GRHL2: variants seen among roughly 807,000 people sequenced by gnomAD.
GRHL2 encodes grainyhead-like protein 2 homolog.
Under a neutral mutation model 83.8 loss-of-function variants are expected in GRHL2, and 21 were observed. The observed-to-expected ratio is 0.25, with a 90% CI of 0.18 to 0.36. The LOEUF (loss-of-function observed/expected upper bound fraction) is 0.36. Among genes scored for constraint, GRHL2 ranks in the 10% least tolerant of loss-of-function variants. The pLI, the probability that GRHL2 is intolerant of heterozygous loss-of-function variation, is 1.00. For missense variants in GRHL2, 623 were observed against 781.8 expected (o/e 0.80, Z 2.42); for synonymous variants, 280 against 278.9 (o/e 1.00, Z -0.04).
At chr8:101,650,804 A>ATATCTATTATC (rs1554596626) in intron 14 of GRHL2, among the ~76,000 whole-genome samples, 2 of 145,850 alleles carry the variant, frequency 1.4e-5, no homozygotes, top group South Asian at 4.2e-4. Context: ...GTGAATTGTG[A>ATATCTATTATC]TATCTATCTA....
At chr8:101,533,632 A>G (rs1247399807) in intron 1 of GRHL2, among the ~76,000 whole-genome samples, 1 of 152,202 alleles carries the variant, frequency 6.6e-6, no homozygotes. Flanking sequence ...AGAGCTGGGT[A>G]AGGGAGATAG....
At chr8:101,623,144 C>T (rs769135019) in intron 9 of GRHL2, among the ~76,000 whole-genome samples, 3 of 152,220 alleles carry the variant, frequency 2.0e-5, no homozygotes, top group East Asian at 1.9e-4. Flanking sequence ...AGAAAGAAAA[C>T]GCATTAACAA....
rs11382067 is a variant in GRHL2 at position 101,592,100 on chromosome 8, C to CTTTTTTT, written c.1004-6941_1004-6935dup. The stretch of plus-strand genomic sequence containing the variant: ...GTACAGCACTTTCTTTCTTTCTTTT[C>CTTTTTTT]TTTTTTTTTTTTTTTTTTTTTTGAG... On this transcript the variant is annotated intron_variant, in intron 7 of 15. Transcript: ENST00000646743. Among the ~76,000 whole-genome samples, 489 of 90,274 alleles carry CTTTTTTT rather than the reference C, an allele frequency of 5.4e-3. 12 individuals are homozygous for CTTTTTTT. The highest frequency in any genetic ancestry group is 5.9e-3 in the African/African-American group (129 of 21,904). 59.2% of individuals were successfully genotyped at this position (90,274 alleles called of 152,430 possible). A position where few individuals can be genotyped will look rare whatever the true frequency, so the allele number is the denominator to read the frequency against.
chr8:101,537,908 C>T (rs1406849594), intron 1 of GRHL2, among the ~76,000 whole-genome samples: 2 of 152,052 alleles, frequency 1.3e-5, no homozygotes, highest in Non-Finnish European at 1.5e-5. Flanking sequence ...TTGTTATTTT[C>T]TTTTTTAAAA....
intron 14 of GRHL2, among the ~76,000 whole-genome samples, chr8:101,652,547 G>GGT (rs1178392327): frequency 4.0e-5 from 2 of 50,340 alleles, no homozygotes; most frequent in Admixed American, 2.1e-4. Context: ...GTGTGTGTGT[G>GGT]GTGTGTATGT....
At chr8:101,628,695 A>G (rs895245559) in intron 9 of GRHL2, among the ~76,000 whole-genome samples, 5 of 152,114 alleles carry the variant, frequency 3.3e-5, no homozygotes, top group Admixed American at 1.3e-4. Flanking sequence ...GCCATTAAAA[A>G]CATTCATGAT....
At chr8:101,537,878 C>A (rs1420615373) in intron 1 of GRHL2, among the ~76,000 whole-genome samples, 1 of 152,202 alleles carries the variant, frequency 6.6e-6, no homozygotes, top group Admixed American at 6.5e-5. Flanking sequence ...GTGCATACTT[C>A]ACCATCCTAA....
intron 12 of GRHL2, 150 bp from the exon 13 acceptor site, chr8:101,643,981 G>C (rs970431412): frequency 1.1e-5 from 8 of 708,412 alleles, no homozygotes; most frequent in African/African-American, 1.1e-4. Context: ...CTTGGGACCT[G>C]CAAGGGGAAG....
intron 8 of GRHL2, among the ~76,000 whole-genome samples, chr8:101,604,237 T>C (rs561599000): frequency 1.2e-4 from 18 of 152,258 alleles, no homozygotes; most frequent in African/African-American, 4.1e-4. Context: ...GATTTGTTGG[T>C]CACTAATCCC....
intron 4 of GRHL2, among the ~76,000 whole-genome samples, chr8:101,560,340 T>G (rs2130184020): frequency 6.6e-6 from 1 of 152,316 alleles, no homozygotes; most frequent in South Asian, 2.1e-4. Context: ...GTTGCTTGTT[T>G]TAGTAGTTGT....
chr8:101,559,211 T>A (rs922654820), intron 4 of GRHL2, among the ~76,000 whole-genome samples: 2 of 151,958 alleles, frequency 1.3e-5, no homozygotes, highest in African/African-American at 2.4e-5. Context: ...CATTCTTTTT[T>A]AAAAAACAAT....
chr8:101,534,071 C>T (rs147183035), intron 1 of GRHL2, among the ~76,000 whole-genome samples: 17 of 152,186 alleles, frequency 1.1e-4, no homozygotes, highest in Non-Finnish European at 2.1e-4. Flanking sequence ...AAGGAGGGAG[C>T]GGGTAATCAT....
intron 1 of GRHL2, among the ~76,000 whole-genome samples, chr8:101,506,025 A>T (rs993036002): frequency 6.6e-6 from 1 of 152,230 alleles, no homozygotes; most frequent in African/African-American, 2.4e-5. Context: ...TGATGTTGTC[A>T]TTGTAGCAAA....
intron 9 of GRHL2, among the ~76,000 whole-genome samples, chr8:101,622,231 A>G (rs1812980718): frequency 2.0e-5 from 3 of 152,244 alleles, no homozygotes; most frequent in Admixed American, 2.0e-4. Flanking sequence ...TATTTAAGGT[A>G]ATCAAGTAAA....
At position 101,668,185 on chromosome 8, in the gene GRHL2, T is replaced by C. The variant is rs912371125; in HGVS notation, c.*1482T>C. The C allele has an allele frequency of 2.6e-5, 4 of 152,654 alleles. No homozygotes were observed. Among genetic ancestry groups the C allele is most frequent in the Admixed American group, 1.3e-4 (2 of 15,288 alleles). The allele number at this position is 152,654 out of a possible 1,614,324, so 9.5% of individuals were successfully genotyped here. ...AAAATGATGAACCATCATGGGCCAC[T>C]GTTCTCTTTGAGGGGACAGGTTTAG... On this transcript the variant is annotated 3_prime_UTR_variant, in exon 16 of 16. Transcript: ENST00000646743.
intron 14 of GRHL2, among the ~76,000 whole-genome samples, chr8:101,650,092 C>A (rs1208677484): frequency 6.6e-6 from 1 of 152,186 alleles, no homozygotes; most frequent in Non-Finnish European, 1.5e-5. Context: ...CCCAACTGCT[C>A]CCCCACTGGA....
At chr8:101,575,824 A>G (rs1402812843) in intron 6 of GRHL2, among the ~76,000 whole-genome samples, 1 of 152,242 alleles carries the variant, frequency 6.6e-6, no homozygotes, top group Non-Finnish European at 1.5e-5. Flanking sequence ...AGAGGGTAGA[A>G]TGAAAAGCTG....
At chr8:101,548,601 G>A (rs1407835901) in intron 2 of GRHL2, among the ~76,000 whole-genome samples, 1 of 152,222 alleles carries the variant, frequency 6.6e-6, no homozygotes. Context: ...TAAAGGCTCT[G>A]AGGAGAACAA....
chr8:101,658,012 TGACA>T (rs906666537), intron 14 of GRHL2, among the ~76,000 whole-genome samples: 12 of 152,186 alleles, frequency 7.9e-5, no homozygotes, highest in Admixed American at 2.0e-4. Context: ...CTGCCACCCC[TGACA>T]GACAGCCAGC....
Sources: allele counts gnomAD v4.1 joint callset (sites outside exome capture counted in the v4.1 genomes callset), GRCh38; gene constraint gnomAD v4.1.1; transcripts MANE v1.5; gene names NCBI Gene and HGNC (gene_info 2026-07-23, HGNC 2026-07-21).